The following FBXO3 variants were observed in gnomAD, a reference collection of about 807,000 sequenced individuals.
The protein encoded by FBXO3 is F-box protein 3.
A neutral mutation model predicts 64.8 loss-of-function variants in FBXO3; 17 were observed. The observed-to-expected ratio is 0.26, with a 90% CI of 0.18 to 0.39. The LOEUF (loss-of-function observed/expected upper bound fraction) is 0.39, where lower values mean the gene tolerates loss of function less well. Among genes scored for constraint, FBXO3 ranks in the 10% least tolerant of loss-of-function variants. The pLI, the probability that FBXO3 is intolerant of heterozygous loss-of-function variation, is 1.00. For missense variants in FBXO3, 420 were observed against 589.9 expected (o/e 0.71, Z 2.98); for synonymous variants, 182 against 201.6 (o/e 0.90, Z 0.82).
chr11:33,761,043 C>T (rs10836108), intron 3 of FBXO3, among the ~76,000 whole-genome samples: 48,825 of 152,032 alleles, frequency 0.32, 8,371 homozygotes, highest in Middle Eastern at 0.53. Context: ...TTAAAGCATT[C>T]TAAAGTTCTT....
At chr11:33,774,077 G>A (rs1262700962) in intron 1 of FBXO3, 2 of 301,050 alleles carry the variant, frequency 6.6e-6, no homozygotes, top group Non-Finnish European at 1.3e-5. Context: ...GCCAGCGGGG[G>A]TCCGCGGAGC....
chr11:33,764,010 C>CCAGCAAA (rs1310385698), intron 3 of FBXO3, among the ~76,000 whole-genome samples: 1 of 152,056 alleles, frequency 6.6e-6, no homozygotes, highest in Non-Finnish European at 1.5e-5. Context: ...ACTCTATAAC[C>CCAGCAAA]CAGCAAACTC....
At chr11:33,765,748 T>G (rs1452360840) in intron 3 of FBXO3, among the ~76,000 whole-genome samples, 1 of 152,198 alleles carries the variant, frequency 6.6e-6, no homozygotes, top group Non-Finnish European at 1.5e-5. Flanking sequence ...CTTGGTGCTG[T>G]CCTCAAGATA....
intron 10 of FBXO3, chr11:33,745,379 T>A (rs1282578161): frequency 6.6e-6 from 1 of 151,558 alleles, no homozygotes; most frequent in Non-Finnish European, 1.5e-5. Context: ...TAGAGTAATA[T>A]TCCCCAAAAT....
At chr11:33,748,973 A>C (rs1854885470) in intron 8 of FBXO3, 81 bp from the exon 9 acceptor site, 4 of 764,214 alleles carry the variant, frequency 5.2e-6, no homozygotes, top group Admixed American at 2.7e-5. Context: ...ATTCAGGCTA[A>C]TACTATGAAG....
chr11:33,762,912 T>C (rs1855277973), intron 3 of FBXO3, among the ~76,000 whole-genome samples: 1 of 152,052 alleles, frequency 6.6e-6, no homozygotes, highest in South Asian at 2.1e-4. Context: ...AAATAATTAA[T>C]ATTAGAAATG....
intron 9 of FBXO3, among the ~76,000 whole-genome samples, 168 bp downstream of exon 9, chr11:33,748,609 A>C (rs1326654135): frequency 3.3e-5 from 5 of 152,264 alleles, no homozygotes; most frequent in African/African-American, 1.2e-4. Flanking sequence ...AAAAAGGGAA[A>C]TCAATCCCTG....
chr11:33,746,971 C>T, intron 10 of FBXO3, 159 bp downstream of exon 10: 1 of 1,472,288 alleles, frequency 6.8e-7, no homozygotes, highest in Non-Finnish European at 8.9e-7. Context: ...ATTTACTTGT[C>T]CATTTCTCTC....
At chr11:33,742,710 TA>T (rs1370605772) in intron 10 of FBXO3, 1 of 152,234 alleles carries the variant, frequency 6.6e-6, no homozygotes, top group Non-Finnish European at 1.5e-5. Flanking sequence ...ACAAGAGATC[TA>T]AGATTTTTAT....
intron 4 of FBXO3, among the ~76,000 whole-genome samples, chr11:33,756,489 G>A (rs1855101520): frequency 6.6e-6 from 1 of 152,130 alleles, no homozygotes; most frequent in African/African-American, 2.4e-5. Context: ...CAGGTATCAA[G>A]GTATTCCTTG....
intron 3 of FBXO3, among the ~76,000 whole-genome samples, chr11:33,762,812 T>A (rs1235197586): frequency 6.6e-6 from 1 of 151,210 alleles, no homozygotes; most frequent in Non-Finnish European, 1.5e-5. Flanking sequence ...AGTAAAGGAT[T>A]GGCAAAGGCA....
At chr11:33,763,089 C>A (rs576571662) in intron 3 of FBXO3, 1 of 198,112 alleles carries the variant, frequency 5.0e-6, no homozygotes, top group Non-Finnish European at 1.1e-5. Context: ...AGTCCTATAT[C>A]TAATAAAGGA....
intron 5 of FBXO3, among the ~76,000 whole-genome samples, chr11:33,754,869 CTT>C (rs35020100): frequency 2.8e-5 from 4 of 144,028 alleles, no homozygotes; most frequent in Admixed American, 6.9e-5. Flanking sequence ...AAAGCATTTT[CTT>C]TTTTTTTTTT....
Position 33,758,548 on chromosome 11 carries a change from G to C in FBXO3, c.412C>G (p.Leu138Val). 6.2e-7 allele frequency: 1 copy of C among 1,610,340 alleles called. No individual in the cohort carries two copies. Among genetic ancestry groups the C allele is most frequent in the Non-Finnish European group, 8.5e-7 (1 of 1,177,262 alleles). The part of the protein sequence containing the change: ...DAVEAQIGCK[L>V]PDDYRCSYRI... ...TATGAACATCGATAATCGTCAGGAAGCTTGCAGCCAATCTGCGCTTCCACA... is the reference window on the plus strand; with the variant it reads ...TATGAACATCGATAATCGTCAGGAACCTTGCAGCCAATCTGCGCTTCCACA... The change falls in exon 4 of 11, where the codon CTT (leucine) becomes GTT (valine). Residue 138 changes from leucine to valine, a missense_variant. Leu to Val is a conservative substitution (Grantham distance 32). Transcript: ENST00000265651.
At chr11:33,752,084 A>G (rs1225677314) in intron 6 of FBXO3, among the ~76,000 whole-genome samples, 2 of 152,268 alleles carry the variant, frequency 1.3e-5, no homozygotes, top group Non-Finnish European at 2.9e-5. Context: ...CAGTCTGGAC[A>G]TCTACCAGGG....
intron 8 of FBXO3, among the ~76,000 whole-genome samples, chr11:33,749,382 C>T (rs1367881128): frequency 1.5e-5 from 2 of 130,480 alleles, no homozygotes; most frequent in African/African-American, 5.8e-5. Context: ...TTTTTTGAGA[C>T]AGGGTCTCAC....
chr11:33,769,060 T>C, intron 2 of FBXO3, 46 bp from the exon 3 acceptor site: 1 of 1,474,316 alleles, frequency 6.8e-7, no homozygotes, highest in Non-Finnish European at 9.2e-7. Context: ...TAAAATAATA[T>C]TAGCATTTAT....
At position 33,750,307 on chromosome 11, in the gene FBXO3, C is replaced by T. The variant is rs574613638; in HGVS notation, c.932+232G>A. 9.9e-4 allele frequency among the ~76,000 whole-genome samples: 150 copies of T among 152,278 alleles called. 4 individuals are homozygous for T. The highest frequency in any genetic ancestry group is 9.8e-3 in the Admixed American group (150 of 15,298). Reference sequence around the variant, plus strand: ...AGTGGTCCATTTCCACAGTACCTGGCACAATACTTGATACCCAGTATATTT... The same window carrying T: ...AGTGGTCCATTTCCACAGTACCTGGTACAATACTTGATACCCAGTATATTT... On this transcript the variant is annotated intron_variant, in intron 8 of 10. Transcript: ENST00000265651.
intron 3 of FBXO3, among the ~76,000 whole-genome samples, chr11:33,767,857 G>A (rs1855415030): frequency 6.6e-6 from 1 of 152,132 alleles, no homozygotes; most frequent in South Asian, 2.1e-4. Flanking sequence ...TTTCTTCTAA[G>A]AAAAGGAGCT....
Sources: allele counts gnomAD v4.1 joint callset (sites outside exome capture counted in the v4.1 genomes callset), GRCh38; gene constraint gnomAD v4.1.1; transcripts MANE v1.5; gene names NCBI Gene and HGNC (gene_info 2026-07-23, HGNC 2026-07-21).